Variants in SEC14L3 observed in about 807,000 individuals in gnomAD.
SEC14L3 encodes the protein SEC14-like protein 3.
In SEC14L3, 56 loss-of-function variants were observed where a neutral mutation model predicts 57.4. The ratio of observed to expected loss-of-function variants is 0.97; its 90% CI spans 0.79 to 1.22. The LOEUF is 1.22. Ranked by LOEUF, SEC14L3 falls within the 50% of genes most tolerant of loss-of-function variation. The pLI, the probability that SEC14L3 is intolerant of heterozygous loss-of-function variation, is 0.00. For synonymous variants in SEC14L3, 173 were observed against 194.4 expected, an observed-to-expected ratio of 0.89 and a Z score of 0.92; for missense variants, 485 against 511.7, an observed-to-expected ratio of 0.95 and a Z score of 0.50.
At chr22:30,463,967 A>T (rs1935342338) in intron 8 of SEC14L3, among the ~76,000 whole-genome samples, 1 of 152,240 alleles carries the variant, frequency 6.6e-6, no homozygotes, top group Non-Finnish European at 1.5e-5. Context: ...TTCATAAAAT[A>T]AGATTATACT....
At chr22:30,451,788 G>C (rs191872019) in intron 12 of SEC14L3, among the ~76,000 whole-genome samples, 1 of 151,776 alleles carries the variant, frequency 6.6e-6, no homozygotes, top group Non-Finnish European at 1.5e-5. Flanking sequence ...CCAGGAGTTC[G>C]AGACCAGCCT....
chr22:30,467,734 G>A (rs752435121), intron 5 of SEC14L3, among the ~76,000 whole-genome samples: 3 of 152,190 alleles, frequency 2.0e-5, no homozygotes, highest in Non-Finnish European at 4.4e-5. Context: ...GGGAACTAGG[G>A]TTGTTCAGAC....
chr22:30,452,035 A>T (rs868452541), intron 12 of SEC14L3, among the ~76,000 whole-genome samples: 61 of 150,230 alleles, frequency 4.1e-4, no homozygotes, highest in African/African-American at 1.4e-3. Flanking sequence ...AAGAAAAGAA[A>T]AGAAAGAAGA....
chr22:30,470,632 C>T, intron 1 of SEC14L3, 50 bp from the exon 2 acceptor site: 1 of 1,612,772 alleles, frequency 6.2e-7, no homozygotes. Context: ...TGAGCCTTGG[C>T]CTCCAGACTC....
intron 5 of SEC14L3, 42 bp downstream of exon 5, chr22:30,468,466 C>T: frequency 1.3e-6 from 2 of 1,505,378 alleles, no homozygotes; most frequent in Non-Finnish European, 9.2e-7. Context: ...CCGGCAGCCT[C>T]ACCTGCCCCC....
At chr22:30,451,244 G>A (rs1021674562) in intron 12 of SEC14L3, among the ~76,000 whole-genome samples, 3 of 152,164 alleles carry the variant, frequency 2.0e-5, no homozygotes, top group African/African-American at 7.2e-5. Flanking sequence ...GTTCTGGGCT[G>A]GAAGATGCGT....
At chr22:30,459,211 CAG>C (rs566533714), downstream of SEC14L3, 124 of 943,322 alleles carry the variant, frequency 1.3e-4, no homozygotes, top group Non-Finnish European at 1.5e-4. Flanking sequence ...TTCTGGTACA[CAG>C]AGAGCACTCG....
At chr22:30,450,691 G>A (rs913535708) in intron 12 of SEC14L3, among the ~76,000 whole-genome samples, 3 of 152,168 alleles carry the variant, frequency 2.0e-5, no homozygotes, top group South Asian at 2.1e-4. Flanking sequence ...TTCAGCTGAA[G>A]GAATTTCATG....
At position 30,470,620 on chromosome 22, in the gene SEC14L3, A is replaced by G. The variant is rs757870686; in HGVS notation, c.55-38T>C. On this transcript the variant is annotated intron_variant, in intron 1 of 11. Coordinates refer to ENST00000215812, the MANE Select transcript of SEC14L3 (RefSeq NM_174975.5). ...ATGCTGGTTAAAGTGGCTCTCTCACATTGAGCCTTGGCCTCCAGACTCAAA... is the reference window on the plus strand; with the variant it reads ...ATGCTGGTTAAAGTGGCTCTCTCACGTTGAGCCTTGGCCTCCAGACTCAAA... 7.4e-6 allele frequency: 12 copies of G among 1,613,812 alleles called. No individual in the cohort carries two copies. In the South Asian group the frequency reaches 9.9e-5, roughly 13 times the overall value.
chr22:30,452,013 A>AAAAAAG (rs1934995110), intron 12 of SEC14L3, among the ~76,000 whole-genome samples: 1 of 121,608 alleles, frequency 8.2e-6, no homozygotes, highest in African/African-American at 2.7e-5. Flanking sequence ...AAAAAAAGAA[A>AAAAAAG]AAAGAAAAGA....
At chr22:30,470,475 C>A (rs747044611) in intron 2 of SEC14L3, 32 bp downstream of exon 2, 2 of 1,613,618 alleles carry the variant, frequency 1.2e-6, no homozygotes, top group South Asian at 2.2e-5. Context: ...TTGATGCCCC[C>A]TGATCCCAAC....
intron 8 of SEC14L3, 81 bp downstream of exon 8, chr22:30,464,739 G>A: frequency 7.8e-7 from 1 of 1,285,954 alleles, no homozygotes; most frequent in Non-Finnish European, 1.1e-6. Context: ...CCTAATGTGT[G>A]GAGTTCTAGA....
chr22:30,455,166 AATATATTATATTTAATATTT>A (rs1569225744), downstream of SEC14L3, among the ~76,000 whole-genome samples: 143 of 106,262 alleles, frequency 1.3e-3, no homozygotes, highest in African/African-American at 6.1e-3. Context: ...TTTAATATTT[AATATATTATATTTAATATTT>A]AATATATAAT....
chr22:30,454,853 ATATTATTATATAATACATAATATATTAT>A (rs1569225297), downstream of SEC14L3, among the ~76,000 whole-genome samples: 12 of 54,512 alleles, frequency 2.2e-4, no homozygotes, highest in African/African-American at 1.2e-3. Context: ...ATAATATATT[ATATTATTATATAATACATAATATATTAT>A]TATATATTAT....
chr22:30,469,053 C>T, intron 4 of SEC14L3: 1 of 1,076,084 alleles, frequency 9.3e-7, no homozygotes, highest in African/African-American at 1.6e-5. Flanking sequence ...CATGGAGGCT[C>T]ATGCCTGTAA....
In SEC14L3 at chr22:30,459,452, T is replaced by C; in HGVS notation, c.*569A>G. The C allele has an allele frequency of 1.0e-6, 1 of 985,384 alleles. No individual in the cohort carries two copies. Among genetic ancestry groups the C allele is most frequent in the South Asian group, 4.7e-5 (1 of 21,282 alleles). 61.0% of individuals were successfully genotyped at this position (985,384 alleles called of 1,614,324 possible). A position where few individuals can be genotyped will look rare whatever the true frequency, so the allele number is the denominator to read the frequency against. On this transcript the variant is annotated 3_prime_UTR_variant, in exon 12 of 12. Transcript: ENST00000215812. Reference sequence around the variant, plus strand: ...CACTGCCAGAAATCTGGAGACTGAATTGTCTGGGTCTCCAGAAGAGAGTCC... The same window carrying C: ...CACTGCCAGAAATCTGGAGACTGAACTGTCTGGGTCTCCAGAAGAGAGTCC...
At chr22:30,469,627 G>A (rs1173702627) in intron 4 of SEC14L3, among the ~76,000 whole-genome samples, 1 of 152,206 alleles carries the variant, frequency 6.6e-6, no homozygotes, top group African/African-American at 2.4e-5. Flanking sequence ...TGCCTTAGGG[G>A]GCAGGGGTGC....
At chr22:30,454,558 A>AATAATATTATTATATATAATCT (rs1935049523), downstream of SEC14L3, among the ~76,000 whole-genome samples, 17 of 40,168 alleles carry the variant, frequency 4.2e-4, no homozygotes, top group African/African-American at 3.0e-3. Flanking sequence ...TATAATCTAT[A>AATAATATTATTATATATAATCT]ATAATATTAT....
At chr22:30,460,256 G>A (rs1402024722) in intron 11 of SEC14L3, 114 bp from the exon 12 acceptor site, 2 of 1,514,456 alleles carry the variant, frequency 1.3e-6, no homozygotes, top group African/African-American at 2.7e-5. Context: ...TTGCCAAGCT[G>A]GGCCAAGCTC....
Sources: allele counts gnomAD v4.1 joint callset (sites outside exome capture counted in the v4.1 genomes callset), GRCh38; gene constraint gnomAD v4.1.1; transcripts MANE v1.5; gene names NCBI Gene and HGNC (gene_info 2026-07-23, HGNC 2026-07-21).